The following DNAAF2 variants were observed in gnomAD, a reference collection of about 807,000 sequenced individuals.
The protein encoded by DNAAF2 is dynein axonemal assembly factor 2.
DNAAF2 carries 58 observed loss-of-function variants against 48.8 expected under a neutral mutation model. That is an observed-to-expected ratio of 1.19 (90% CI 0.96 to 1.48). The LOEUF is 1.48. Among genes scored for constraint, DNAAF2 ranks in the 40% most tolerant of loss-of-function variants. DNAAF2 has a pLI of 0.00. For synonymous variants in DNAAF2, 567 were observed against 481.2 expected (o/e 1.18, Z -2.33); for missense variants, 1,241 against 1,116.1 (o/e 1.11, Z -1.59).
chr14:49,634,604 G>T lies in DNAAF2; in HGVS notation c.546C>A (p.Arg182=). The T allele has an allele frequency of 6.2e-7, 1 of 1,606,596 alleles. No homozygotes were observed. Residue 182 remains arginine (R), a synonymous_variant, in exon 1 of 3, where the codon CGC becomes CGA. Transcript: ENST00000298292. ...VEKQFGVKLD[R]RNAKTLKAKY... The stretch of plus-strand genomic sequence containing the variant: ...TGGCCTTCAGGGTCTTGGCATTCCT[G>T]CGGTCCAGCTTCACGCCGAACTGCT...
intron 1 of DNAAF2, chr14:49,629,885 A>G (rs943837960): frequency 6.6e-6 from 1 of 152,150 alleles, no homozygotes; most frequent in Admixed American, 6.5e-5. Context: ...AATGAAGTAG[A>G]GAGCATATAT....
intron 1 of DNAAF2, among the ~76,000 whole-genome samples, chr14:49,630,807 A>G (rs928120790): frequency 6.6e-6 from 1 of 151,244 alleles, no homozygotes; most frequent in Non-Finnish European, 1.5e-5. Context: ...CTGGAGTACA[A>G]CTGCGTGATC....
At position 49,625,411 on chromosome 14, in the gene DNAAF2, T is replaced by A. The variant is rs1361487992; in HGVS notation, c.*131A>T. ...CCCCCATGAGAATCAAAATTGCAAT[T>A]TTTTAAAAAAAATTGCAAATTTTAA... On this transcript the variant is annotated 3_prime_UTR_variant, in exon 3 of 3. Coordinates refer to ENST00000298292, the MANE Select transcript of DNAAF2 (RefSeq NM_018139.3). The A allele has an allele frequency of 1.4e-6, 1 of 706,022 alleles. No homozygotes were observed. The allele number at this position is 706,022 out of a possible 1,614,324, so 43.7% of individuals were successfully genotyped here.
At chr14:49,630,669 C>CACACACACACACACACACACACACACACA in intron 1 of DNAAF2, among the ~76,000 whole-genome samples, 1 of 132,562 alleles carries the variant, frequency 7.5e-6, no homozygotes, top group Non-Finnish European at 1.6e-5. Flanking sequence ...AACTCTCTCT[C>CACACACACACACACACACACACACACACA]CACACACACA....
At chr14:49,626,176 C>G in intron 2 of DNAAF2, 128 bp from the exon 3 acceptor site, 2 of 701,894 alleles carry the variant, frequency 2.8e-6, no homozygotes, top group Non-Finnish European at 4.0e-6. Context: ...AGGTATACAT[C>G]CAGGCTTTCC....
intron 1 of DNAAF2, among the ~76,000 whole-genome samples, chr14:49,631,638 G>C (rs1179777907): frequency 1.3e-5 from 2 of 152,038 alleles, no homozygotes; most frequent in African/African-American, 4.8e-5. Flanking sequence ...ACAACCAGAA[G>C]ATTTGCATAA....
intron 1 of DNAAF2, among the ~76,000 whole-genome samples, chr14:49,630,067 C>CA (rs1354228484): frequency 6.6e-6 from 1 of 151,876 alleles, no homozygotes; most frequent in East Asian, 1.9e-4. Flanking sequence ...CTCATCTCTA[C>CA]AAAAAATACA....
intron 2 of DNAAF2, among the ~76,000 whole-genome samples, chr14:49,626,523 CT>C (rs1283619754): frequency 6.6e-6 from 1 of 152,068 alleles, no homozygotes; most frequent in Non-Finnish European, 1.5e-5. Context: ...TGAAGGATGA[CT>C]TTTTTTGTTT....
chr14:49,630,261 T>A (rs1033662453), intron 1 of DNAAF2, among the ~76,000 whole-genome samples: 1 of 94,544 alleles, frequency 1.1e-5, no homozygotes, highest in Non-Finnish European at 2.7e-5. Context: ...AAATAAATAA[T>A]GAGGTAGATT....
In DNAAF2 at chr14:49,628,170, G is replaced by GA; in HGVS notation, c.1864-16dup. On this transcript the variant is annotated splice_polypyrimidine_tract_variant and intron_variant, in intron 1 of 2. Coordinates refer to ENST00000298292, the MANE Select transcript of DNAAF2 (RefSeq NM_018139.3). ...AATAACCTTTCCTAAAATAAAAAGG[G>GA]AAAAAATATTCTGCCTAATAAGTCC... 2 of 1,559,434 alleles carry GA rather than the reference G, an allele frequency of 1.3e-6. No individual in the cohort carries two copies. Among genetic ancestry groups the GA allele is most frequent in the African/African-American group, 1.4e-5 (1 of 73,326 alleles).
At chr14:49,629,700 C>G (rs1330935587) in intron 1 of DNAAF2, 1 of 151,910 alleles carries the variant, frequency 6.6e-6, no homozygotes, top group African/African-American at 2.4e-5. Context: ...AGATACAGGT[C>G]TCACTTTGTT....
In DNAAF2 at chr14:49,625,606, A is replaced by G; in HGVS notation, c.2450T>C (p.Ile817Thr). 6.2e-7 allele frequency: 1 copy of G among 1,612,264 alleles called. No individual in the cohort carries two copies. The highest frequency in any genetic ancestry group is 8.5e-7 in the Non-Finnish European group (1 of 1,179,386). Residue 817 changes from isoleucine (I) to threonine (T), a missense_variant, in exon 3 of 3, where the codon ATT becomes ACT. Physicochemically the swap from Ile to Thr is moderately conservative, Grantham distance 89 (BLOSUM62 -1). Coordinates refer to ENST00000298292, the MANE Select transcript of DNAAF2 (RefSeq NM_018139.3). ...TNMQDGSVQV[I>T]KDHVTNCAFS... is the part of the protein sequence containing the mutation. The stretch of plus-strand genomic sequence containing the variant: ...TGCACAATTGGTCACATGATCTTTA[A>G]TGACCTGCACACTACCATCCTGCAT...
chr14:49,625,384 T>A lies in DNAAF2; in HGVS notation c.*158A>T. On this transcript the variant is annotated 3_prime_UTR_variant, in exon 3 of 3. Transcript: ENST00000298292. ...CAAAAAAAAAAAAATTATCTCCAAT[T>A]TCCCCCATGAGAATCAAAATTGCAA... is the stretch of plus-strand genomic sequence containing the variant. 1 of 454,160 alleles carries A rather than the reference T, an allele frequency of 2.2e-6. No homozygotes were observed. The highest frequency in any genetic ancestry group is 3.6e-6 in the Non-Finnish European group (1 of 279,988). The allele number at this position is 454,160 out of a possible 1,614,324, so 28.1% of individuals were successfully genotyped here.
intron 2 of DNAAF2, among the ~76,000 whole-genome samples, chr14:49,626,345 G>A (rs889390662): frequency 5.3e-5 from 8 of 152,010 alleles, no homozygotes; most frequent in Admixed American, 2.0e-4. Flanking sequence ...AAAATTAGCC[G>A]GGTGTGGTGG....
Position 49,625,905 on chromosome 14 carries a change from T to C in DNAAF2, c.2151A>G (p.Leu717=), listed in dbSNP as rs1882992466. 6.2e-7 allele frequency: 1 copy of C among 1,613,624 alleles called. No individual in the cohort carries two copies. The part of the protein sequence containing the change: ...DSDSSIAVKA[L]QIDSFGLVTC... ...TAACTAAACCAAAGCTATCTATTTG[T>C]AGTGCTTTAACTGCTATAGATGAAT... The change falls in exon 3 of 3, where the codon CTA becomes CTG. Residue 717 remains leucine (L), a synonymous_variant. Transcript: ENST00000298292.
chr14:49,634,455 G>T lies in DNAAF2; in HGVS notation c.695C>A (p.Ala232Glu). The T allele has an allele frequency of 6.4e-7, 1 of 1,561,328 alleles. No homozygotes were observed. Among genetic ancestry groups the T allele is most frequent in the Non-Finnish European group, 8.6e-7 (1 of 1,157,426 alleles). Residue 232 changes from alanine to glutamate, a missense_variant, in exon 1 of 3, where the codon GCA becomes GAA. By Grantham distance (107) the Ala-to-Glu change is moderately radical (BLOSUM62 -1). Coordinates refer to ENST00000298292, the MANE Select transcript of DNAAF2 (RefSeq NM_018139.3). ...GGAGGGCGCCCGGGGCCCGGGGGCT[G>T]CCGGGTACTGGTAAGGGTAGGGGAA... ...PDFPYPYQYP[A>E]APGPRAPSPP...
Position 49,628,084 on chromosome 14 carries a change from CTGTT to C in DNAAF2, c.1931_1934del (p.Lys644SerfsTer5), listed in dbSNP as rs1353700765. The stretch of plus-strand genomic sequence containing the variant: ...TTAATGGTGGGGTCAAGGACATAGA[CTGTT>C]TGAATGGAGAGCTCAGGACCTCTTC... On this transcript the variant is annotated frameshift_variant, in exon 2 of 3. Transcript: ENST00000298292. LOFTEE classifies it high-confidence loss of function. 7 of 1,588,318 alleles carry C rather than the reference CTGTT, an allele frequency of 4.4e-6. No individual in the cohort carries two copies. Among genetic ancestry groups the C allele is most frequent in the Admixed American group, 3.6e-5 (2 of 56,270 alleles).
Position 49,634,418 on chromosome 14 carries a change from C to A in DNAAF2, c.732G>T (p.Ala244=), listed in dbSNP as rs570329974. 8.3e-6 allele frequency: 13 copies of A among 1,571,404 alleles called. No individual in the cohort carries two copies. The South Asian group carries it at 1.4e-4, about 16-fold the overall frequency. Residue 244 remains alanine (A), a synonymous_variant, in exon 1 of 3, where the codon GCG becomes GCT. Coordinates refer to ENST00000298292, the MANE Select transcript of DNAAF2 (RefSeq NM_018139.3). The part of the protein sequence containing the change: ...PGPRAPSPPE[A]ALQPAPTEPR... ...GCTCGGTGGGGGCGGGCTGCAAGGCCGCTTCCGGAGGGGAGGGCGCCCGGG... is the reference window on the plus strand; with the variant it reads ...GCTCGGTGGGGGCGGGCTGCAAGGCAGCTTCCGGAGGGGAGGGCGCCCGGG...
At position 49,633,458 on chromosome 14, in the gene DNAAF2, T is replaced by C. The variant is rs1389375533; in HGVS notation, c.1692A>G (p.Gln564=). The C allele has an allele frequency of 1.9e-6, 3 of 1,614,078 alleles. No homozygotes were observed. Among genetic ancestry groups the C allele is most frequent in the African/African-American group, 2.7e-5 (2 of 75,074 alleles). ...PLWYKLRFSA[Q]DLVYSFFLQF... Reference sequence around the variant, plus strand: ...GCAAAAAGAAGGAATAAACTAAGTCTTGTGCGGAGAAGCGTAATTTGTACC... The same window carrying C: ...GCAAAAAGAAGGAATAAACTAAGTCCTGTGCGGAGAAGCGTAATTTGTACC... The change falls in exon 1 of 3, where the codon CAA becomes CAG. Residue 564 remains glutamine, a synonymous_variant. Coordinates refer to ENST00000298292, the MANE Select transcript of DNAAF2 (RefSeq NM_018139.3).
Sources: allele counts gnomAD v4.1 joint callset (sites outside exome capture counted in the v4.1 genomes callset), GRCh38; gene constraint gnomAD v4.1.1; transcripts MANE v1.5; gene names NCBI Gene and HGNC (gene_info 2026-07-23, HGNC 2026-07-21).